The following PVT1 variants were observed in gnomAD, a reference collection of about 807,000 sequenced individuals.
PVT1 encodes CXCR4/PVT1 fusion.
chr8:128,059,151 T>C (rs976220054), intron 4 of PVT1, among the ~76,000 whole-genome samples: 1 of 152,228 alleles, frequency 6.6e-6, no homozygotes, highest in Non-Finnish European at 1.5e-5. Flanking sequence ...GACCTGGATT[T>C]ACAATGACTC....
intron 4 of PVT1, among the ~76,000 whole-genome samples, chr8:128,025,579 A>G (rs976026400): frequency 6.6e-6 from 1 of 152,192 alleles, no homozygotes; most frequent in African/African-American, 2.4e-5. Flanking sequence ...AGAATTTGCC[A>G]TACTGCCTGC....
chr8:127,935,388 T>G lies in PVT1; in HGVS notation n.782+44390T>G, dbSNP rs879325076. ...AGGGGTTTTTGTCTGCTTTTGCTTC[T>G]GAAGGTGAACCCACTATCTATTTAG... is the stretch of plus-strand genomic sequence containing the variant. On this transcript the variant is annotated intron_variant and non_coding_transcript_variant, in intron 3 of 10. Transcript: ENST00000651587. 9.2e-5 allele frequency among the ~76,000 whole-genome samples: 14 copies of G among 152,262 alleles called. 1 individual carries two copies. Among genetic ancestry groups the G allele is most frequent in the Non-Finnish European group, 1.5e-4 (10 of 68,028 alleles).
chr8:127,889,447 G>T (rs1208960277), intron 2 of PVT1, among the ~76,000 whole-genome samples: 1 of 138,734 alleles, frequency 7.2e-6, no homozygotes, highest in Non-Finnish European at 1.6e-5. Flanking sequence ...CTTTTCCTGT[G>T]ATTTTTTTTT....
chr8:127,955,403 C>T (rs1322907727), intron 3 of PVT1, among the ~76,000 whole-genome samples: 1 of 152,142 alleles, frequency 6.6e-6, no homozygotes, highest in Admixed American at 6.6e-5. Flanking sequence ...ACCAATATAC[C>T]GTGTGTCTGG....
intron 4 of PVT1, among the ~76,000 whole-genome samples, chr8:128,069,732 G>A (rs1813958990): frequency 6.6e-6 from 1 of 152,116 alleles, no homozygotes; most frequent in Non-Finnish European, 1.5e-5. Flanking sequence ...TCTTCATGAT[G>A]GGGAAACTGA....
intron 2 of PVT1, among the ~76,000 whole-genome samples, chr8:127,889,034 T>C (rs12543773): frequency 0.095 from 6,312 of 66,484 alleles, 291 homozygotes; most frequent in East Asian, 0.18. Context: ...CTTTCTCTCT[T>C]TCTTTCTTCC....
At chr8:127,871,553 CGGG>C (rs1815351814) in intron 2 of PVT1, among the ~76,000 whole-genome samples, 1 of 152,052 alleles carries the variant, frequency 6.6e-6, no homozygotes, top group Non-Finnish European at 1.5e-5. Context: ...CCACCAGAAT[CGGG>C]TAAAGTATGT....
intron 2 of PVT1, among the ~76,000 whole-genome samples, chr8:127,808,328 G>A (rs575357298): frequency 2.3e-4 from 35 of 152,282 alleles, no homozygotes; most frequent in African/African-American, 8.4e-4. Flanking sequence ...GATTACAGGC[G>A]TGAGCCACGG....
At chr8:128,056,465 C>T (rs1813764116) in intron 4 of PVT1, among the ~76,000 whole-genome samples, 1 of 152,188 alleles carries the variant, frequency 6.6e-6, no homozygotes, top group Non-Finnish European at 1.5e-5. Context: ...GCATGCATAG[C>T]TCGCACAGAT....
intron 5 of PVT1, among the ~76,000 whole-genome samples, chr8:128,081,290 T>C (rs957694189): frequency 6.6e-6 from 1 of 152,230 alleles, no homozygotes; most frequent in African/African-American, 2.4e-5. Context: ...ATCTATTCAC[T>C]TATTGAAGGA....
chr8:128,031,581 TAGAC>T (rs1813389485), intron 4 of PVT1, among the ~76,000 whole-genome samples: 2 of 152,192 alleles, frequency 1.3e-5, no homozygotes, highest in Non-Finnish European at 2.9e-5. Flanking sequence ...TTGTGAGGAT[TAGAC>T]AGGTCGATAA....
chr8:127,949,379 CTGTGTGTGTGTGTGTGTGTGTGTG>C lies in PVT1; in HGVS notation n.783-39761_783-39738del, dbSNP rs61425056. 7.2e-5 allele frequency among the ~76,000 whole-genome samples: 8 copies of C among 111,322 alleles called. No individual in the cohort carries two copies. The South Asian group carries it at 1.9e-3, about 26-fold the overall frequency. 73.0% of individuals were successfully genotyped at this position (111,322 alleles called of 152,430 possible). A position where few individuals can be genotyped will look rare whatever the true frequency, so the allele number is the denominator to read the frequency against. On this transcript the variant is annotated intron_variant and non_coding_transcript_variant, in intron 3 of 10. Coordinates refer to ENST00000651587, the Ensembl canonical transcript of PVT1. ...GTTTGGAATGTTTGAACTCCAGGAG[CTGTGTGTGTGTGTGTGTGTGTGTG>C]TGTGTGTGTGTGTGTGTGTGTATCT...
At chr8:128,063,928 C>G (rs1366441999) in intron 4 of PVT1, among the ~76,000 whole-genome samples, 1 of 152,188 alleles carries the variant, frequency 6.6e-6, no homozygotes, top group Non-Finnish European at 1.5e-5. Context: ...AATGTATCCA[C>G]TGTGTCCTTC....
At chr8:127,886,738 T>A (rs1815528179) in intron 2 of PVT1, among the ~76,000 whole-genome samples, 1 of 152,248 alleles carries the variant, frequency 6.6e-6, no homozygotes, top group African/African-American at 2.4e-5. Context: ...TAATAGCTGC[T>A]TAAAAAACCC....
chr8:127,933,531 T>C (rs1306376236), intron 3 of PVT1, among the ~76,000 whole-genome samples: 4 of 152,128 alleles, frequency 2.6e-5, no homozygotes, highest in Non-Finnish European at 4.4e-5. Flanking sequence ...CACACCATCG[T>C]AAAGTGGAGA....
intron 5 of PVT1, among the ~76,000 whole-genome samples, chr8:128,092,649 G>A (rs1158504730): frequency 6.6e-6 from 1 of 152,166 alleles, no homozygotes; most frequent in Non-Finnish European, 1.5e-5. Flanking sequence ...GACGTTCACA[G>A]GTAAGAAGCA....
intron 3 of PVT1, among the ~76,000 whole-genome samples, chr8:127,893,527 G>A (rs1421523613): frequency 5.9e-5 from 9 of 152,162 alleles, no homozygotes; most frequent in African/African-American, 1.7e-4. Context: ...GATTACAAGC[G>A]TGACCCACCT....
chr8:127,951,147 C>T (rs889352823), intron 3 of PVT1, among the ~76,000 whole-genome samples: 1 of 152,184 alleles, frequency 6.6e-6, no homozygotes, highest in African/African-American at 2.4e-5. Flanking sequence ...CCACCTGCCT[C>T]AGCCTCCCAA....
At chr8:127,929,754 C>A (rs1161003272) in intron 3 of PVT1, among the ~76,000 whole-genome samples, 3 of 150,704 alleles carry the variant, frequency 2.0e-5, no homozygotes, top group African/African-American at 7.3e-5. Flanking sequence ...GGTGACAGAG[C>A]GAGACTCCGT....
Sources: gnomAD v4.1 joint callset for allele counts (sites outside exome capture counted in the v4.1 genomes callset) on GRCh38, gnomAD v4.1.1 for gene constraint, MANE v1.5 for transcripts, NCBI Gene and HGNC (gene_info 2026-07-23, HGNC 2026-07-21) for gene names.